The following RTF1 variants were observed in gnomAD, a reference collection of about 807,000 sequenced individuals.
The protein encoded by RTF1 is RTF1 homolog, Paf1/RNA polymerase II complex component.
In RTF1, 10 loss-of-function variants were observed where a neutral mutation model predicts 95.7. That is an observed-to-expected ratio of 0.10 (90% confidence interval 0.06 to 0.18). The LOEUF is 0.18. Ranked by LOEUF, RTF1 falls within the 10% of genes least tolerant of loss-of-function variation. The pLI is 1.00. For synonymous variants in RTF1, 305 were observed against 311.8 expected, an observed-to-expected ratio of 0.98 and a Z score of 0.23; for missense variants, 458 against 875.6, an observed-to-expected ratio of 0.52 and a Z score of 6.02.
At chr15:41,456,182 C>T (rs2050814457) in intron 3 of RTF1, among the ~76,000 whole-genome samples, 1 of 143,554 alleles carries the variant, frequency 7.0e-6, no homozygotes, top group South Asian at 2.2e-4. Flanking sequence ...AAAAGTGAAA[C>T]TCCATCTCAA....
intron 6 of RTF1, among the ~76,000 whole-genome samples, chr15:41,469,248 C>A (rs776433614): frequency 6.6e-6 from 1 of 151,976 alleles, no homozygotes; most frequent in African/African-American, 2.4e-5. Context: ...AGCCAACACT[C>A]CCAGCCTAAA....
chr15:41,444,328 C>T (rs1233130552), intron 2 of RTF1, among the ~76,000 whole-genome samples: 3 of 151,100 alleles, frequency 2.0e-5, no homozygotes, highest in Non-Finnish European at 2.9e-5. Flanking sequence ...GAGTCTTGCT[C>T]TGTCATCCAG....
rs1348261855 is a variant in RTF1, at chr15:41,465,010, G to C, written c.777+125G>C. The stretch of plus-strand genomic sequence containing the variant: ...TAATCAGCCTAAGTTTATAAGACTT[G>C]TGACATGGTTTCATTAATCTCTGGA... On this transcript the variant is annotated intron_variant, in intron 5 of 17. Coordinates refer to ENST00000389629, the MANE Select transcript of RTF1 (RefSeq NM_015138.5). 5 of 1,348,658 alleles carry C rather than the reference G, an allele frequency of 3.7e-6. No individual in the cohort carries two copies. In the South Asian group the frequency reaches 8.3e-5, roughly 22 times the overall value. 83.5% of individuals were successfully genotyped at this position (1,348,658 alleles called of 1,614,324 possible). A position where few individuals can be genotyped will look rare whatever the true frequency, so the allele number is the denominator to read the frequency against.
chr15:41,470,262 C>T lies in RTF1; in HGVS notation c.895C>T (p.Leu299Phe), dbSNP rs753580920. 1 of 1,612,446 alleles carries T rather than the reference C, an allele frequency of 6.2e-7. No homozygotes were observed. The highest frequency in any genetic ancestry group is 1.3e-5 in the African/African-American group (1 of 74,870). The stretch of plus-strand genomic sequence containing the variant: ...CATCTCTTCTTTCTTTCTAGCTGAG[C>T]TCCTTGCCAAAAAACAGCCATTAAA... ...REKRKNRTAE[L>F]LAKKQPLKTS... is the part of the protein sequence containing the mutation. Residue 299 changes from leucine (L) to phenylalanine (F), a missense_variant, in exon 7 of 18, where the codon CTC becomes TTC. Leu to Phe is a conservative substitution (Grantham distance 22). Around this residue, in one of 11 missense-constraint regions of RTF1, gnomAD observed 7 missense variants for 54.3 expected, o/e 0.13. Coordinates refer to ENST00000389629, the MANE Select transcript of RTF1 (RefSeq NM_015138.5).
chr15:41,437,612 T>C (rs1189822789), intron 1 of RTF1, among the ~76,000 whole-genome samples: 1 of 152,210 alleles, frequency 6.6e-6, no homozygotes. Flanking sequence ...TTTGAGTGAC[T>C]GGACTGAGTT....
chr15:41,430,335 A>T (rs1375820820), intron 1 of RTF1, among the ~76,000 whole-genome samples: 1 of 151,768 alleles, frequency 6.6e-6, no homozygotes, highest in East Asian at 1.9e-4. Flanking sequence ...CTGGGACTAC[A>T]GGCGCGTGGC....
chr15:41,474,509 CTCAGCACTCTA>C, intron 8 of RTF1, 100 bp from the exon 9 acceptor site: 1 of 810,838 alleles, frequency 1.2e-6, no homozygotes, highest in Non-Finnish European at 2.2e-6. Flanking sequence ...GTGGACTCTA[CTCAGCACTCTA>C]TCAGTTGTCT....
In RTF1 at chr15:41,480,750, T is replaced by C. The variant is rs548247498; in HGVS notation, c.*63T>C. 1.0e-4 allele frequency: 122 copies of C among 1,195,014 alleles called. No homozygotes were observed. In the African/African-American group the frequency reaches 1.4e-3, roughly 14 times the overall value. The allele number at this position is 1,195,014 out of a possible 1,614,324, so 74.0% of individuals were successfully genotyped here. Reference sequence around the variant, plus strand: ...ATCGCAGCGTCCCACCTTTCCTCCTTTCCTTTGATTTAGCCTCTTTGGGCT... The same window carrying C: ...ATCGCAGCGTCCCACCTTTCCTCCTCTCCTTTGATTTAGCCTCTTTGGGCT... On this transcript the variant is annotated 3_prime_UTR_variant, in exon 18 of 18. Coordinates refer to ENST00000389629, the MANE Select transcript of RTF1 (RefSeq NM_015138.5).
intron 2 of RTF1, among the ~76,000 whole-genome samples, chr15:41,451,046 A>G (rs1448002821): frequency 6.6e-6 from 1 of 152,092 alleles, no homozygotes; most frequent in Non-Finnish European, 1.5e-5. Context: ...CTCATATGGA[A>G]AATTTCTAAG....
intron 3 of RTF1, among the ~76,000 whole-genome samples, chr15:41,456,951 G>A (rs2050821254): frequency 6.6e-6 from 1 of 152,098 alleles, no homozygotes; most frequent in Non-Finnish European, 1.5e-5. Flanking sequence ...GGACGTGGTG[G>A]CGTGCACCTG....
At position 41,453,040 on chromosome 15, in the gene RTF1, C is replaced by T; in HGVS notation, c.449C>T (p.Pro150Leu). ...DKDSSAESSA[P>L]EEGEVSDSDS... ...GACAGTTCAGCTGAGAGCTCAGCCCCTGAGGAAGGTGAGCTGAGCAGCCTA... is the reference window on the plus strand; with the variant it reads ...GACAGTTCAGCTGAGAGCTCAGCCCTTGAGGAAGGTGAGCTGAGCAGCCTA... Residue 150 changes from proline to leucine, a missense_variant, in exon 3 of 18, where the codon CCT becomes CTT. By Grantham distance (98) the Pro-to-Leu change is moderately conservative. Around this residue, in one of 11 missense-constraint regions of RTF1, gnomAD observed 39 missense variants for 38.4 expected, o/e 1.02. Transcript: ENST00000389629. 1 of 1,593,216 alleles carries T rather than the reference C, an allele frequency of 6.3e-7. No homozygotes were observed. Among genetic ancestry groups the T allele is most frequent in the Non-Finnish European group, 8.5e-7 (1 of 1,174,124 alleles).
Position 41,475,570 on chromosome 15 carries a change from C to T in RTF1, c.1332C>T (p.Asn444=), listed in dbSNP as rs925969272. 2 of 1,614,132 alleles carry T rather than the reference C, an allele frequency of 1.2e-6. No homozygotes were observed. Among genetic ancestry groups the T allele is most frequent in the Non-Finnish European group, 1.7e-6 (2 of 1,180,018 alleles). Residue 444 remains asparagine (N), a synonymous_variant, in exon 10 of 18, where the codon AAC becomes AAT. Coordinates refer to ENST00000389629, the MANE Select transcript of RTF1 (RefSeq NM_015138.5). The part of the protein sequence containing the change: ...QRVFRLEFVS[N]QEFTESEFMK... ...TGTTCCGTTTAGAGTTTGTCTCAAACCAAGAATTCACCGAAAGTGAGTTTA... is the reference window on the plus strand; with the variant it reads ...TGTTCCGTTTAGAGTTTGTCTCAAATCAAGAATTCACCGAAAGTGAGTTTA...
At chr15:41,458,764 AAAAT>A (rs1455845113) in intron 4 of RTF1, among the ~76,000 whole-genome samples, 2 of 151,110 alleles carry the variant, frequency 1.3e-5, no homozygotes, top group South Asian at 4.2e-4. Context: ...AATAAAAATA[AAAAT>A]AAATAAATAA....
Position 41,422,962 on chromosome 15 carries a change from C to T in RTF1, c.198+5649C>T, listed in dbSNP as rs562153779. On this transcript the variant is annotated intron_variant, in intron 1 of 17. Coordinates refer to ENST00000389629, the MANE Select transcript of RTF1 (RefSeq NM_015138.5). ...CTAATTTTTGTATTTTTAGTAGAGA[C>T]GGGGTTTCACCATCTTGGCCAGGCT... is the stretch of plus-strand genomic sequence containing the variant. 1.2e-4 allele frequency among the ~76,000 whole-genome samples: 18 copies of T among 152,080 alleles called. No individual in the cohort carries two copies. In the East Asian group the frequency reaches 1.9e-3, roughly 16 times the overall value.
intron 3 of RTF1, 121 bp from the exon 4 acceptor site, chr15:41,457,550 TA>T: frequency 1.1e-6 from 1 of 905,714 alleles, no homozygotes; most frequent in Non-Finnish European, 1.7e-6. Context: ...AACAAATAAG[TA>T]AAATAACAAA....
chr15:41,419,394 A>G (rs182086970), intron 1 of RTF1, among the ~76,000 whole-genome samples: 5 of 152,344 alleles, frequency 3.3e-5, no homozygotes, highest in Admixed American at 2.0e-4. Flanking sequence ...AAAAAGTTAA[A>G]TAACTCACAA....
chr15:41,435,332 G>T lies in RTF1; in HGVS notation c.199-2989G>T, dbSNP rs2050696423. Among the ~76,000 whole-genome samples the T allele has an allele frequency of 1.3e-5, 2 of 151,432 alleles. 1 individual carries two copies. Among genetic ancestry groups the T allele is most frequent in the South Asian group, 4.2e-4 (2 of 4,812 alleles). On this transcript the variant is annotated intron_variant, in intron 1 of 17. Transcript: ENST00000389629. ...TATATTAGAAAAGTATATTAGAAAG[G>T]ATAAAATATATATAAATTATACCTC...
intron 3 of RTF1, among the ~76,000 whole-genome samples, chr15:41,454,457 C>T (rs1288670105): frequency 6.6e-6 from 1 of 152,058 alleles, no homozygotes; most frequent in Admixed American, 6.6e-5. Context: ...AGAAGAATCA[C>T]CACTTTTCAA....
rs1566849797 is a variant in RTF1 at position 41,475,762 on chromosome 15, G to A, written c.1425G>A (p.Lys475=). ...QLPTLDEINK[K]ELSIKEALNY... is the part of the protein sequence containing the mutation. ...CCACTCTAGATGAAATCAATAAAAAGGAATTATCTATTAAAGAAGCTCTTA... is the reference window on the plus strand; with the variant it reads ...CCACTCTAGATGAAATCAATAAAAAAGAATTATCTATTAAAGAAGCTCTTA... Residue 475 remains lysine (K), a synonymous_variant, in exon 11 of 18, where the codon AAG becomes AAA. Coordinates refer to ENST00000389629, the MANE Select transcript of RTF1 (RefSeq NM_015138.5). 6.2e-7 allele frequency: 1 copy of A among 1,610,024 alleles called. No individual in the cohort carries two copies. The highest frequency in any genetic ancestry group is 8.5e-7 in the Non-Finnish European group (1 of 1,177,062).
Sources: gnomAD v4.1 joint callset for allele counts (sites outside exome capture counted in the v4.1 genomes callset) on GRCh38, gnomAD v4.1.1 for gene constraint, gnomAD v4.1.1 regional missense constraint, MANE v1.5 for transcripts, NCBI Gene and HGNC (gene_info 2026-07-23, HGNC 2026-07-21) for gene names.